The following GPNMB variants were observed in gnomAD, a reference collection of about 807,000 sequenced individuals.
GPNMB encodes glycoprotein nmb.
Under a neutral mutation model 57.3 loss-of-function variants are expected in GPNMB, and 71 were observed. The observed-to-expected ratio is 1.24, with a 90% CI of 1.02 to 1.51. The LOEUF (loss-of-function observed/expected upper bound fraction) is 1.51. GPNMB is among the 40% of genes most tolerant of loss of function. GPNMB has a pLI of 0.00. For synonymous variants in GPNMB, 253 were observed against 263.2 expected (o/e 0.96, Z 0.38); for missense variants, 677 against 691.9 (o/e 0.98, Z 0.24).
In GPNMB at chr7:23,274,348, A is replaced by AT. The variant is rs1783286157; in HGVS notation, c.*130dup. On this transcript the variant is annotated 3_prime_UTR_variant, in exon 11 of 11. Coordinates refer to ENST00000258733, the MANE Select transcript of GPNMB (RefSeq NM_002510.3). Reference sequence around the variant, plus strand: ...AGATATTGTGGTTTGGGGAAGTTGAATTTTTTATAGGTTAAATGTCATTTT... The same window carrying AT: ...AGATATTGTGGTTTGGGGAAGTTGAATTTTTTTATAGGTTAAATGTCATTTT... 4.0e-5 allele frequency: 28 copies of AT among 707,838 alleles called. No individual in the cohort carries two copies. Among genetic ancestry groups the AT allele is most frequent in the East Asian group, 3.4e-4 (13 of 38,102 alleles). 43.8% of individuals were successfully genotyped at this position (707,838 alleles called of 1,614,324 possible).
At chr7:23,266,845 G>A (rs1002926645) in intron 7 of GPNMB, among the ~76,000 whole-genome samples, 8 of 152,182 alleles carry the variant, frequency 5.3e-5, no homozygotes, top group African/African-American at 1.4e-4. Context: ...TGTGAAGGCC[G>A]CATGCTAATG....
At chr7:23,266,935 G>A (rs1783078963) in intron 7 of GPNMB, among the ~76,000 whole-genome samples, 2 of 152,152 alleles carry the variant, frequency 1.3e-5, no homozygotes, top group African/African-American at 2.4e-5. Flanking sequence ...GGCTAGCATC[G>A]AGTTCCTACA....
intron 10 of GPNMB, 100 bp from the exon 11 acceptor site, chr7:23,273,965 G>T (rs1783275172): frequency 5.7e-6 from 5 of 877,052 alleles, no homozygotes; most frequent in Non-Finnish European, 8.9e-6. Context: ...CATGTTAAAT[G>T]GAATGAATCC....
intron 9 of GPNMB, among the ~76,000 whole-genome samples, chr7:23,271,822 T>TA (rs76712727): frequency 6.0e-5 from 9 of 149,784 alleles, no homozygotes; most frequent in East Asian, 3.9e-4. Context: ...CAAAAAAAAC[T>TA]AAAAAAAAAA....
intron 8 of GPNMB, among the ~76,000 whole-genome samples, chr7:23,269,686 G>A (rs1050955321): frequency 1.2e-4 from 19 of 152,100 alleles, no homozygotes; most frequent in African/African-American, 3.6e-4. Context: ...TGGGCTTCAC[G>A]TGGTTTCCAT....
At chr7:23,272,189 A>G (rs981584027) in intron 9 of GPNMB, among the ~76,000 whole-genome samples, 2 of 152,236 alleles carry the variant, frequency 1.3e-5, no homozygotes, top group Admixed American at 6.5e-5. Context: ...TAGAGTCTTA[A>G]TTCATTCTAT....
intron 6 of GPNMB, among the ~76,000 whole-genome samples, chr7:23,264,179 G>C (rs1052781423): frequency 2.0e-5 from 3 of 149,526 alleles, no homozygotes; most frequent in African/African-American, 5.0e-5. Context: ...TCATATCATA[G>C]AGAACTTTCC....
intron 8 of GPNMB, 122 bp downstream of exon 8, chr7:23,268,110 C>T (rs1237042658): frequency 1.5e-6 from 1 of 665,950 alleles, no homozygotes; most frequent in African/African-American, 1.8e-5. Flanking sequence ...ATTTGAATTC[C>T]TATTTACTGG....
At position 23,264,702 on chromosome 7, in the gene GPNMB, A is replaced by C. The variant is rs748037785; in HGVS notation, c.1019-1815A>C. Among the ~76,000 whole-genome samples, 38 of 152,250 alleles carry C rather than the reference A, an allele frequency of 2.5e-4. No individual in the cohort carries two copies. In the Middle Eastern group the frequency reaches 0.01, roughly 41 times the overall value. ...TCCATATGCATTTTAAAAGCATTCT[A>C]TCTAAGGTAGAATCACTGACTTTTA... On this transcript the variant is annotated intron_variant, in intron 6 of 10. Coordinates refer to ENST00000258733, the MANE Select transcript of GPNMB (RefSeq NM_002510.3).
intron 9 of GPNMB, chr7:23,273,312 C>T: frequency 3.8e-6 from 2 of 525,174 alleles, no homozygotes; most frequent in Non-Finnish European, 6.7e-6. Flanking sequence ...GCCCTTACCA[C>T]AGTGTTCCAG....
intron 4 of GPNMB, 70 bp from the exon 5 acceptor site, chr7:23,259,910 C>G (rs1385012488): frequency 1.4e-6 from 2 of 1,465,830 alleles, no homozygotes; most frequent in African/African-American, 2.8e-5. Flanking sequence ...GGTAGCTAGT[C>G]TTTAAGGAAC....
chr7:23,271,838 T>C (rs1783214348), intron 9 of GPNMB, among the ~76,000 whole-genome samples: 1 of 152,098 alleles, frequency 6.6e-6, no homozygotes, highest in African/African-American at 2.4e-5. Flanking sequence ...AAAAATTTTC[T>C]CATTAATAAT....
intron 1 of GPNMB, 94 bp from the exon 2 acceptor site, chr7:23,253,213 T>C: frequency 9.5e-7 from 1 of 1,048,538 alleles, no homozygotes; most frequent in Non-Finnish European, 1.4e-6. Context: ...ATATTATGTA[T>C]GTGCTTTTCA....
Position 23,253,386 on chromosome 7 carries a change from T to C in GPNMB, c.150T>C (p.Asp50=). ...EHNQLNGWSS[D]ENDWNEKLYP... ...ATCAATTAAATGGCTGGTCTTCTGA[T>C]GAAAATGACTGGAATGAAAAACTCT... Residue 50 remains aspartate, a synonymous_variant, in exon 2 of 11, where the codon GAT becomes GAC. Transcript: ENST00000258733. The C allele has an allele frequency of 6.2e-7, 1 of 1,614,036 alleles. No homozygotes were observed. Among genetic ancestry groups the C allele is most frequent in the Non-Finnish European group, 8.5e-7 (1 of 1,179,908 alleles).
At chr7:23,260,170 G>T in intron 5 of GPNMB, 32 bp downstream of exon 5, 1 of 1,608,448 alleles carries the variant, frequency 6.2e-7, no homozygotes, top group Non-Finnish European at 8.5e-7. Context: ...TGAGGATGAG[G>T]CACTTCATTC....
At chr7:23,248,387 G>A (rs545504848) in intron 1 of GPNMB, among the ~76,000 whole-genome samples, 3 of 152,272 alleles carry the variant, frequency 2.0e-5, no homozygotes, top group African/African-American at 7.2e-5. Flanking sequence ...TTAGCAGGAG[G>A]CCGAATCAGC....
chr7:23,273,637 T>A, intron 10 of GPNMB, 23 bp downstream of exon 10: 2 of 1,324,254 alleles, frequency 1.5e-6, no homozygotes, highest in Non-Finnish European at 2.2e-6. Context: ...TTCCTACGCT[T>A]TATATCACTA....
intron 6 of GPNMB, among the ~76,000 whole-genome samples, chr7:23,264,678 C>T (rs1016963417): frequency 6.6e-6 from 1 of 152,072 alleles, no homozygotes; most frequent in Non-Finnish European, 1.5e-5. Context: ...TGCCTGGCCT[C>T]CATATGCATT....
chr7:23,250,316 CAAGTCT>C (rs1349641763), intron 1 of GPNMB, among the ~76,000 whole-genome samples: 1 of 152,110 alleles, frequency 6.6e-6, no homozygotes, highest in Non-Finnish European at 1.5e-5. Flanking sequence ...GTGTTCATGT[CAAGTCT>C]AAGAATTCTT....
Sources: gnomAD v4.1 joint callset for allele counts (sites outside exome capture counted in the v4.1 genomes callset) on GRCh38, gnomAD v4.1.1 for gene constraint, MANE v1.5 for transcripts, NCBI Gene and HGNC (gene_info 2026-07-23, HGNC 2026-07-21) for gene names.